Variants in P2RY8 observed in about 807,000 individuals in gnomAD.
P2RY8 encodes P2Y receptor family member 8.
Under a neutral mutation model 10.0 loss-of-function variants are expected in P2RY8, and 6 were observed. That is an observed-to-expected ratio of 0.60 (90% CI 0.33 to 1.19). The LOEUF is 1.19. Ranked by LOEUF, P2RY8 falls within the 50% of genes most tolerant of loss-of-function variation. The pLI is 0.04. For synonymous variants in P2RY8, 276 were observed against 252.5 expected, an observed-to-expected ratio of 1.09 and a Z score of -0.88; for missense variants, 456 against 542.0, an observed-to-expected ratio of 0.84 and a Z score of 1.58.
intron 1 of P2RY8, among the ~76,000 whole-genome samples, chrX:1,508,704 TTCTATCTATCTA>T (rs61715773): frequency 0.027 from 3,051 of 112,036 alleles, 61 homozygotes; most frequent in East Asian, 0.035. Flanking sequence ...CATCCATCCA[TTCTATCTATCTA>T]TCTATCTATC....
intron 1 of P2RY8, among the ~76,000 whole-genome samples, chrX:1,475,701 G>A (rs1408240693): frequency 6.6e-6 from 1 of 152,036 alleles, no homozygotes; most frequent in African/African-American, 2.4e-5. Flanking sequence ...AAAGAAATGA[G>A]GAACAAGCCA....
chrX:1,533,002 CAAAAAAAAAAAA>C (rs56945483), intron 1 of P2RY8, among the ~76,000 whole-genome samples: 1 of 76,072 alleles, frequency 1.3e-5, no homozygotes, highest in Non-Finnish European at 2.3e-5. Context: ...AACTCTGTCT[CAAAAAAAAAAAA>C]AAAAAAAAAA....
At chrX:1,468,149 G>T (rs4330867) in intron 1 of P2RY8, among the ~76,000 whole-genome samples, 4,772 of 151,836 alleles carry the variant, frequency 0.031, 230 homozygotes, top group African/African-American at 0.11. Context: ...TGTTGCCCAG[G>T]CTGGTCTCAA....
intron 1 of P2RY8, among the ~76,000 whole-genome samples, chrX:1,471,308 C>CTTTT (rs1569536548): frequency 0.087 from 6,137 of 70,820 alleles, 1,140 homozygotes; most frequent in African/African-American, 0.16. Context: ...GCGCCCAGCC[C>CTTTT]ATTTTTTTTT....
chrX:1,471,606 G>A (rs1273326164), intron 1 of P2RY8, among the ~76,000 whole-genome samples: 2 of 151,850 alleles, frequency 1.3e-5, no homozygotes, highest in South Asian at 2.1e-4. Context: ...CGCGCCTGGC[G>A]TGTTCCTGAT....
intron 1 of P2RY8, among the ~76,000 whole-genome samples, chrX:1,471,096 T>A (rs1255966368): frequency 2.7e-5 from 4 of 149,486 alleles, no homozygotes; most frequent in Non-Finnish European, 6.0e-5. Context: ...CAACCTCCGC[T>A]TCCCCGGTTC....
At chrX:1,501,968 C>T (rs1384523658) in intron 1 of P2RY8, among the ~76,000 whole-genome samples, 9 of 149,708 alleles carry the variant, frequency 6.0e-5, no homozygotes, top group African/African-American at 1.7e-4. Flanking sequence ...TGGAGTGCAG[C>T]GCTGTGATCT....
intron 1 of P2RY8, among the ~76,000 whole-genome samples, chrX:1,513,697 TTTCTGGTGGCCACTA>T (rs1406337302): frequency 2.0e-5 from 3 of 151,400 alleles, no homozygotes; most frequent in Admixed American, 1.3e-4. Flanking sequence ...TGGACAAATG[TTTCTGGTGGCCACTA>T]TTCAATCCAC....
intron 1 of P2RY8, among the ~76,000 whole-genome samples, chrX:1,524,086 A>G (rs1398767292): frequency 6.6e-6 from 1 of 152,026 alleles, no homozygotes; most frequent in African/African-American, 2.4e-5. Context: ...TTGGCATTGG[A>G]GTGTCTACAC....
intron 1 of P2RY8, among the ~76,000 whole-genome samples, chrX:1,473,105 ATTGATGGG>A (rs1254199944): frequency 6.6e-5 from 9 of 136,350 alleles, no homozygotes; most frequent in Middle Eastern, 4.8e-3. Context: ...GGGTGGATGA[ATTGATGGG>A]TTGATGGGTA....
intron 1 of P2RY8, among the ~76,000 whole-genome samples, chrX:1,500,292 T>C (rs2092165125): frequency 6.6e-6 from 1 of 152,086 alleles, no homozygotes; most frequent in Non-Finnish European, 1.5e-5. Flanking sequence ...TATGTACTTA[T>C]TTTGAGGTAG....
chrX:1,507,943 G>T (rs1179193478), intron 1 of P2RY8, among the ~76,000 whole-genome samples: 1 of 127,550 alleles, frequency 7.8e-6, no homozygotes, highest in Non-Finnish European at 1.9e-5. Context: ...TTTGCAGCCG[G>T]GCGGGACCAG....
chrX:1,495,484 C>CGGCA (rs1453569121), intron 1 of P2RY8, among the ~76,000 whole-genome samples: 2 of 150,846 alleles, frequency 1.3e-5, no homozygotes, highest in African/African-American at 4.9e-5. Context: ...AGGGAGAAGA[C>CGGCA]GGCATCTCCA....
intron 1 of P2RY8, among the ~76,000 whole-genome samples, chrX:1,502,333 G>T (rs541536729): frequency 6.6e-6 from 1 of 152,124 alleles, no homozygotes; most frequent in Non-Finnish European, 1.5e-5. Context: ...CCTCCCGGGG[G>T]GCAGGGGTGG....
intron 1 of P2RY8, among the ~76,000 whole-genome samples, chrX:1,481,025 C>T (rs2091928951): frequency 6.6e-6 from 1 of 152,038 alleles, no homozygotes; most frequent in Non-Finnish European, 1.5e-5. Flanking sequence ...ATTAATACCG[C>T]CGAGACATGC....
rs764370725 is a variant in P2RY8 at position 1,465,788 on chromosome X, G to T, written c.771C>A (p.Leu257=). ...ACAGGCGGCTCACGATGTGCGCCAGGAGCACGAAGTTGTTGGGGGCGAAGC... is the reference window on the plus strand; with the variant it reads ...ACAGGCGGCTCACGATGTGCGCCAGTAGCACGAAGTTGTTGGGGGCGAAGC... ...VTCFAPNNFV[L]LAHIVSRLFY... is the part of the protein sequence containing the mutation. Residue 257 remains leucine, a synonymous_variant, in exon 2 of 2, where the codon CTC becomes CTA. Transcript: ENST00000381297. The T allele has an allele frequency of 1.5e-5, 24 of 1,613,382 alleles. No individual in the cohort carries two copies. The highest frequency in any genetic ancestry group is 2.0e-5 in the Non-Finnish European group (24 of 1,179,848).
chrX:1,515,916 G>A (rs1463385142), intron 1 of P2RY8, among the ~76,000 whole-genome samples: 4 of 116,676 alleles, frequency 3.4e-5, no homozygotes, highest in Non-Finnish European at 5.2e-5. Flanking sequence ...GCTCATGCCT[G>A]TAATCCCAGC....
At chrX:1,497,813 C>T (rs1348102327) in intron 1 of P2RY8, among the ~76,000 whole-genome samples, 9 of 151,816 alleles carry the variant, frequency 5.9e-5, no homozygotes, top group African/African-American at 1.2e-4. Flanking sequence ...AGTGGGGCGG[C>T]GAGGGGCTTG....
In P2RY8 at chrX:1,511,957, T is replaced by G. The variant is rs139655638; in HGVS notation, c.-25+24964A>C. Among the ~76,000 whole-genome samples, 811 of 152,220 alleles carry G rather than the reference T, an allele frequency of 5.3e-3. 8 individuals carry two copies. Among genetic ancestry groups the G allele is most frequent in the African/African-American group, 0.018 (768 of 41,528 alleles). Reference sequence around the variant, plus strand: ...TTCTGGAATTCCAGGTGAGCAAGTGTTCTGCCTTCGGTGATATGGGGGCCC... The same window carrying G: ...TTCTGGAATTCCAGGTGAGCAAGTGGTCTGCCTTCGGTGATATGGGGGCCC... On this transcript the variant is annotated intron_variant, in intron 1 of 1. Transcript: ENST00000381297.
Sources: allele counts gnomAD v4.1 joint callset (sites outside exome capture counted in the v4.1 genomes callset), GRCh38; gene constraint gnomAD v4.1.1; transcripts MANE v1.5; gene names NCBI Gene and HGNC (gene_info 2026-07-23, HGNC 2026-07-21).